ARPP21: variants seen among roughly 807,000 people sequenced by gnomAD.
The protein encoded by ARPP21 is cAMP regulated phosphoprotein 21.
In ARPP21, 69 loss-of-function variants were observed where a neutral mutation model predicts 113.2. That is an observed-to-expected ratio of 0.61 (90% confidence interval 0.50 to 0.74). ARPP21 has a LOEUF of 0.74. Among genes scored for constraint, ARPP21 ranks in the 30% least tolerant of loss-of-function variants. ARPP21 has a pLI of 0.00. For missense variants in ARPP21, 1,070 were observed against 1,037.4 expected, an observed-to-expected ratio of 1.03 and a Z score of -0.43; for synonymous variants, 368 against 375.5, an observed-to-expected ratio of 0.98 and a Z score of 0.23.
At chr3:35,689,252 C>A in intron 6 of ARPP21, 55 bp from the exon 7 acceptor site, 1 of 843,648 alleles carries the variant, frequency 1.2e-6, no homozygotes, top group Non-Finnish European at 2.1e-6. Context: ...GAAACCTTTT[C>A]TACCCCACCT....
intron 12 of ARPP21, chr3:35,715,882 T>A (rs2092316327): frequency 6.4e-6 from 1 of 156,308 alleles, no homozygotes; most frequent in African/African-American, 2.4e-5. Context: ...CTGTGCCCCA[T>A]AACAATATAT....
chr3:35,721,256 T>G (rs1284904918), intron 13 of ARPP21, among the ~76,000 whole-genome samples: 1 of 152,228 alleles, frequency 6.6e-6, no homozygotes, highest in East Asian at 1.9e-4. Flanking sequence ...AATTAATTAT[T>G]GATTTGAGTC....
In ARPP21 at chr3:35,762,771, A is replaced by G. The variant is rs574151076; in HGVS notation, c.2137+18806A>G. On this transcript the variant is annotated intron_variant, in intron 19 of 20. Transcript: ENST00000684406. The stretch of plus-strand genomic sequence containing the variant: ...TTATTCTTAATTTGAAGGCAGGCAT[A>G]TATTGAGGTTTTATAAAACCCTAAT... Among the ~76,000 whole-genome samples the G allele has an allele frequency of 1.2e-4, 19 of 152,256 alleles. No homozygotes were observed. The East Asian group carries it at 3.7e-3, about 29-fold the overall frequency.
chr3:35,778,265 A>G (rs940350809), intron 19 of ARPP21, among the ~76,000 whole-genome samples: 1 of 152,202 alleles, frequency 6.6e-6, no homozygotes, highest in Non-Finnish European at 1.5e-5. Context: ...CTCCCAACAC[A>G]TAGCCATTCT....
intron 1 of ARPP21, among the ~76,000 whole-genome samples, chr3:35,650,872 C>G (rs1242009935): frequency 6.6e-6 from 1 of 152,068 alleles, no homozygotes; most frequent in African/African-American, 2.4e-5. Flanking sequence ...ACTGAATCCA[C>G]AGTTTAAGGT....
chr3:35,701,988 G>A (rs1166745336), intron 9 of ARPP21, among the ~76,000 whole-genome samples: 1 of 151,450 alleles, frequency 6.6e-6, no homozygotes, highest in African/African-American at 2.4e-5. Flanking sequence ...TCCAGTAATT[G>A]GATGCAAACC....
At chr3:35,717,179 T>G (rs1019035452) in intron 12 of ARPP21, 119 bp from the exon 13 acceptor site, 1 of 578,912 alleles carries the variant, frequency 1.7e-6, no homozygotes, top group African/African-American at 1.9e-5. Context: ...TTCAACATCA[T>G]ATAAATAAAA....
chr3:35,686,501 A>G (rs1316807557), intron 5 of ARPP21, among the ~76,000 whole-genome samples: 2 of 151,664 alleles, frequency 1.3e-5, no homozygotes, highest in Non-Finnish European at 1.5e-5. Context: ...CCCCTTCCAT[A>G]AAAGAAACTT....
intron 19 of ARPP21, among the ~76,000 whole-genome samples, chr3:35,779,749 G>A (rs990280271): frequency 1.3e-5 from 2 of 152,110 alleles, no homozygotes; most frequent in Admixed American, 6.6e-5. Context: ...AAAACATCAG[G>A]CTATAAGAAT....
chr3:35,745,408 A>G (rs1317105324), intron 19 of ARPP21, among the ~76,000 whole-genome samples: 1 of 152,208 alleles, frequency 6.6e-6, no homozygotes, highest in Non-Finnish European at 1.5e-5. Context: ...CAAGTTTTCT[A>G]CTTGGTTACT....
At chr3:35,760,789 T>C (rs2095744897) in intron 19 of ARPP21, among the ~76,000 whole-genome samples, 1 of 152,118 alleles carries the variant, frequency 6.6e-6, no homozygotes, top group South Asian at 2.1e-4. Context: ...TCATGGTTCC[T>C]AAATCATTGT....
At chr3:35,724,119 A>G (rs977391428) in intron 14 of ARPP21, among the ~76,000 whole-genome samples, 3 of 152,232 alleles carry the variant, frequency 2.0e-5, no homozygotes, top group Admixed American at 6.5e-5. Flanking sequence ...TAAATAGATA[A>G]TAATGAGACT....
At chr3:35,733,361 G>A (rs2094128191) in intron 15 of ARPP21, among the ~76,000 whole-genome samples, 1 of 152,144 alleles carries the variant, frequency 6.6e-6, no homozygotes, top group African/African-American at 2.4e-5. Context: ...AGAGAAATGA[G>A]CATTCTGCAT....
intron 1 of ARPP21, among the ~76,000 whole-genome samples, chr3:35,650,918 C>T (rs781243397): frequency 6.6e-6 from 1 of 151,998 alleles, no homozygotes; most frequent in Non-Finnish European, 1.5e-5. Flanking sequence ...ATACATGAAC[C>T]AGCCTACGTA....
At chr3:35,701,236 T>C (rs1229774946) in intron 9 of ARPP21, among the ~76,000 whole-genome samples, 1 of 151,740 alleles carries the variant, frequency 6.6e-6, no homozygotes, top group Non-Finnish European at 1.5e-5. Flanking sequence ...AGGCATATAT[T>C]TGATGTTATC....
At chr3:35,720,450 A>G (rs1259428033) in intron 13 of ARPP21, among the ~76,000 whole-genome samples, 1 of 152,234 alleles carries the variant, frequency 6.6e-6, no homozygotes, top group Non-Finnish European at 1.5e-5. Flanking sequence ...ACATCTCAAC[A>G]GTACATTATT....
chr3:35,690,174 A>G lies in ARPP21; in HGVS notation c.545+34A>G, dbSNP rs1291333297. 7.8e-6 allele frequency: 8 copies of G among 1,023,834 alleles called. No homozygotes were observed. The East Asian group carries it at 1.4e-4, about 18-fold the overall frequency. The allele number at this position is 1,023,834 out of a possible 1,614,324, so 63.4% of individuals were successfully genotyped here. On this transcript the variant is annotated intron_variant, in intron 8 of 20. Coordinates refer to ENST00000684406, the MANE Select transcript of ARPP21 (RefSeq NM_001385562.1). ...AACTTCAATGCTGGTTAATTTGATC[A>G]TGTATCCTAGTTTGGTATTGGAGTT...
chr3:35,723,543 T>A (rs1209434668), intron 14 of ARPP21, among the ~76,000 whole-genome samples: 1 of 152,214 alleles, frequency 6.6e-6, no homozygotes, highest in East Asian at 1.9e-4. Flanking sequence ...TGTAGTACAC[T>A]TGAGCTCTTG....
chr3:35,657,131 A>T (rs1178049941), intron 1 of ARPP21, among the ~76,000 whole-genome samples: 1 of 151,900 alleles, frequency 6.6e-6, no homozygotes, highest in Non-Finnish European at 1.5e-5. Flanking sequence ...TTTCCTGTAA[A>T]CTTTGCTGCT....
Sources: gnomAD v4.1 joint callset for allele counts (sites outside exome capture counted in the v4.1 genomes callset) on GRCh38, gnomAD v4.1.1 for gene constraint, MANE v1.5 for transcripts, NCBI Gene and HGNC (gene_info 2026-07-23, HGNC 2026-07-21) for gene names.